TEX10: variants seen among roughly 807,000 people sequenced by gnomAD.
The protein encoded by TEX10 is testis expressed 10, also known as testis-expressed protein 10.
TEX10 carries 24 observed loss-of-function variants against 104.4 expected under a neutral mutation model. The observed-to-expected ratio is 0.23, with a 90% CI of 0.17 to 0.32. TEX10 has a LOEUF of 0.32. Ranked by LOEUF, TEX10 falls within the 10% of genes least tolerant of loss-of-function variation. The pLI is 1.00. For missense variants in TEX10, 921 were observed against 1,083.9 expected (o/e 0.85, Z 2.11); for synonymous variants, 396 against 393.4 (o/e 1.01, Z -0.08).
At chr9:100,307,385 T>C (rs1035700456) in intron 13 of TEX10, 1 of 152,228 alleles carries the variant, frequency 6.6e-6, no homozygotes, top group Non-Finnish European at 1.5e-5. Context: ...CCTAATGGTC[T>C]GCAAAACCTA....
intron 5 of TEX10, among the ~76,000 whole-genome samples, chr9:100,335,529 T>C (rs549494357): frequency 1.4e-4 from 21 of 152,308 alleles, no homozygotes; most frequent in African/African-American, 5.1e-4. Flanking sequence ...CAATTATTTA[T>C]GTTTACTGCT....
Position 100,320,129 on chromosome 9 carries a change from C to G in TEX10, c.2202+136G>C, listed in dbSNP as rs910331874. The G allele has an allele frequency of 3.3e-5, 26 of 796,596 alleles. No individual in the cohort carries two copies. In the African/African-American group the frequency reaches 4.4e-4, roughly 13 times the overall value. The allele number at this position is 796,596 out of a possible 1,614,324, so 49.3% of individuals were successfully genotyped here. A position where few individuals can be genotyped will look rare whatever the true frequency, so the allele number is the denominator to read the frequency against. ...TGTTTCCCTTTTCAAACGTACTTCT[C>G]CCATCCAAGATTATAAGCACTTTAA... On this transcript the variant is annotated intron_variant, in intron 11 of 14. Transcript: ENST00000374902.
chr9:100,349,190 G>C lies in TEX10; in HGVS notation c.174C>G (p.Asn58Lys). 1 of 1,537,786 alleles carries C rather than the reference G, an allele frequency of 6.5e-7. No individual in the cohort carries two copies. The highest frequency in any genetic ancestry group is 1.4e-5 in the African/African-American group (1 of 71,214). Residue 58 changes from asparagine (N) to lysine (K), a missense_variant, in exon 2 of 15, where the codon AAC becomes AAG. Coordinates refer to ENST00000374902, the MANE Select transcript of TEX10 (RefSeq NM_017746.4). Reference sequence around the variant, plus strand: ...AACATGATTTATGATTTACCTTTATGTTAAGTTTTCTATTGTTTGTTGGAA... The same window carrying C: ...AACATGATTTATGATTTACCTTTATCTTAAGTTTTCTATTGTTTGTTGGAA... ...GTLPTNNRKL[N>K]IKDLLSQMHH... is the part of the protein sequence containing the mutation.
intron 1 of TEX10, 70 bp downstream of exon 1, chr9:100,352,702 G>T (rs1183867309): frequency 7.6e-7 from 1 of 1,307,840 alleles, no homozygotes; most frequent in African/African-American, 1.6e-5. Context: ...GCGGATCGGG[G>T]GGCGACGGCC....
At chr9:100,306,203 C>G (rs144531235) in intron 13 of TEX10, 107 of 152,156 alleles carry the variant, frequency 7.0e-4, no homozygotes, top group African/African-American at 2.5e-3. Context: ...GAATAAAAAG[C>G]TCCCTATGTT....
rs1361462885 is a variant in TEX10 at position 100,346,839 on chromosome 9, C to T, written c.748G>A (p.Gly250Arg). The T allele has an allele frequency of 6.2e-7, 1 of 1,614,122 alleles. No individual in the cohort carries two copies. The highest frequency in any genetic ancestry group is 8.5e-7 in the Non-Finnish European group (1 of 1,180,012). Residue 250 changes from glycine to arginine, a missense_variant, in exon 3 of 15, where the codon GGA becomes AGA. This residue lies in a region of TEX10 where 753 missense variants were observed against 868.4 expected (regional missense o/e 0.87). Transcript: ENST00000374902. ...DGSSRLRESE[G>R]LQEQKENPHA... ...GGATTTTCTTTCTGTTCCTGAAGTCCTTCACTTTCTCTCAACCTACTGGAT... is the reference window on the plus strand; with the variant it reads ...GGATTTTCTTTCTGTTCCTGAAGTCTTTCACTTTCTCTCAACCTACTGGAT...
intron 2 of TEX10, among the ~76,000 whole-genome samples, chr9:100,348,187 T>C (rs1428702730): frequency 6.6e-6 from 1 of 152,266 alleles, no homozygotes; most frequent in African/African-American, 2.4e-5. Context: ...ATGTATTATA[T>C]GATTTCATTT....
chr9:100,326,404 G>T lies in TEX10; in HGVS notation c.1877C>A (p.Pro626His). 1 of 1,613,802 alleles carries T rather than the reference G, an allele frequency of 6.2e-7. No homozygotes were observed. The highest frequency in any genetic ancestry group is 1.6e-4 in the Middle Eastern group (1 of 6,062). The part of the protein sequence containing the change: ...QRLVQLVYFL[P>H]SLPADLLSRL... ...AGAAAGCAAATCAGCCGGCAGACTG[G>T]GTAGGAAATATACAAGCTGAACCAA... Residue 626 changes from proline to histidine, a missense_variant, in exon 9 of 15, where the codon CCC becomes CAC. Physicochemically the swap from Pro to His is moderately conservative, Grantham distance 77 (BLOSUM62 -2). Coordinates refer to ENST00000374902, the MANE Select transcript of TEX10 (RefSeq NM_017746.4).
chr9:100,313,660 C>T (rs770036302), intron 11 of TEX10, among the ~76,000 whole-genome samples: 1 of 151,650 alleles, frequency 6.6e-6, no homozygotes, highest in Non-Finnish European at 1.5e-5. Context: ...ACCAGCCTGG[C>T]CTACATGGTG....
At chr9:100,320,941 C>G (rs919866519) in intron 10 of TEX10, among the ~76,000 whole-genome samples, 1 of 152,204 alleles carries the variant, frequency 6.6e-6, no homozygotes, top group African/African-American at 2.4e-5. Flanking sequence ...CAAAGTCACT[C>G]CTGAAAGGTA....
At chr9:100,318,573 T>C (rs879261221) in intron 11 of TEX10, among the ~76,000 whole-genome samples, 4 of 152,200 alleles carry the variant, frequency 2.6e-5, no homozygotes, top group Non-Finnish European at 5.9e-5. Context: ...GTCTTACGCA[T>C]GTAACAAAAC....
chr9:100,311,936 A>G (rs139586942), intron 11 of TEX10, among the ~76,000 whole-genome samples: 106 of 152,230 alleles, frequency 7.0e-4, no homozygotes, highest in African/African-American at 2.5e-3. Flanking sequence ...GCCCTGAAAA[A>G]TCAAGACTTT....
At chr9:100,303,091 G>C (rs1834046993) in intron 14 of TEX10, among the ~76,000 whole-genome samples, 1 of 152,182 alleles carries the variant, frequency 6.6e-6, no homozygotes. Context: ...AAATTGGCCT[G>C]AAGTTTATTC....
intron 4 of TEX10, among the ~76,000 whole-genome samples, chr9:100,345,349 C>G (rs1037117073): frequency 2.0e-5 from 3 of 152,204 alleles, no homozygotes; most frequent in Non-Finnish European, 4.4e-5. Flanking sequence ...TCATTCTAAA[C>G]TTCAACTTGA....
chr9:100,323,022 T>C (rs1834609769), intron 9 of TEX10, among the ~76,000 whole-genome samples: 1 of 152,108 alleles, frequency 6.6e-6, no homozygotes, highest in Admixed American at 6.6e-5. Flanking sequence ...TAGCACATGC[T>C]AAGGGGGTTA....
At position 100,310,189 on chromosome 9, in the gene TEX10, A is replaced by G. The variant is rs975840097; in HGVS notation, c.2283+110T>C. The G allele has an allele frequency of 1.8e-5, 15 of 845,744 alleles. No homozygotes were observed. The Admixed American group carries it at 3.8e-4, about 21-fold the overall frequency. The allele number at this position is 845,744 out of a possible 1,614,324, so 52.4% of individuals were successfully genotyped here. A position where few individuals can be genotyped will look rare whatever the true frequency, so the allele number is the denominator to read the frequency against. ...GCATCATGCTGCAAGAGACTATGAT[A>G]TCATTAATCTTAGAATTCCAGACAT... On this transcript the variant is annotated intron_variant, in intron 12 of 14. Transcript: ENST00000374902.
chr9:100,352,428 T>C (rs1414638870), intron 1 of TEX10: 2 of 1,551,644 alleles, frequency 1.3e-6, no homozygotes, highest in African/African-American at 2.7e-5. Context: ...CCATGGGTTT[T>C]AGGAAACCAT....
chr9:100,348,293 A>G (rs563881939), intron 2 of TEX10, among the ~76,000 whole-genome samples: 21 of 152,378 alleles, frequency 1.4e-4, no homozygotes, highest in African/African-American at 4.6e-4. Context: ...CCTAATGGGT[A>G]TAAGTTTTCT....
chr9:100,349,897 C>T (rs1835400465), intron 1 of TEX10, among the ~76,000 whole-genome samples: 1 of 152,086 alleles, frequency 6.6e-6, no homozygotes, highest in Admixed American at 6.6e-5. Context: ...AAATACACAG[C>T]AAGGAGAATA....
Sources: gnomAD v4.1 joint callset for allele counts (sites outside exome capture counted in the v4.1 genomes callset) on GRCh38, gnomAD v4.1.1 for gene constraint, gnomAD v4.1.1 regional missense constraint, MANE v1.5 for transcripts, NCBI Gene and HGNC (gene_info 2026-07-23, HGNC 2026-07-21) for gene names.